Variants in ZNF69 observed in about 807,000 individuals in gnomAD.
ZNF69 encodes the protein ZNF3.
Under a neutral mutation model 50.9 loss-of-function variants are expected in ZNF69, and 47 were observed. That is an observed-to-expected ratio of 0.92 (90% confidence interval 0.73 to 1.18). ZNF69 has a LOEUF of 1.18. Ranked by LOEUF, ZNF69 falls within the 50% of genes most tolerant of loss-of-function variation. The probability of loss-of-function intolerance (pLI) is 0.00; values close to 1 mark genes in which losing one functional copy is unlikely to be tolerated. For missense variants in ZNF69, 717 were observed against 675.1 expected, an observed-to-expected ratio of 1.06 and a Z score of -0.69; for synonymous variants, 216 against 223.1, an observed-to-expected ratio of 0.97 and a Z score of 0.29.
intron 1 of ZNF69, among the ~76,000 whole-genome samples, chr19:11,898,385 C>CTTTTTTT (rs745487579): frequency 6.5e-5 from 6 of 91,872 alleles, no homozygotes; most frequent in African/African-American, 9.2e-5. Context: ...TTCCTCCTGG[C>CTTTTTTT]TTTTTTTTTT....
Position 11,906,189 on chromosome 19 carries a change from CT to C in ZNF69, c.*93del. 6.4e-7 allele frequency: 1 copy of C among 1,556,440 alleles called. No individual in the cohort carries two copies. The highest frequency in any genetic ancestry group is 1.3e-5 in the South Asian group (1 of 79,678). On this transcript the variant is annotated 3_prime_UTR_variant, in exon 4 of 4. Transcript: ENST00000429654. The stretch of plus-strand genomic sequence containing the variant: ...ATGAATGTAAAGAATGTGGGAAACC[CT>C]TCAGGTCTGCCCAGAACCTTCGAAT...
At chr19:11,912,323 C>T (rs1423137442) in intron 4 of ZNF69, among the ~76,000 whole-genome samples, 1 of 152,060 alleles carries the variant, frequency 6.6e-6, no homozygotes, top group Admixed American at 6.6e-5. Context: ...CTGCCAAGAT[C>T]CTTTGAATAC....
At chr19:11,928,729 C>T in the ZNF69 span, among the ~76,000 whole-genome samples, 1 of 114,188 alleles carries the variant, frequency 8.8e-6, no homozygotes. Context: ...GAGACTCCGT[C>T]TCAAAAAAAA....
the ZNF69 span, among the ~76,000 whole-genome samples, chr19:11,971,965 G>A: frequency 6.6e-6 from 1 of 151,982 alleles, no homozygotes; most frequent in East Asian, 1.9e-4. Flanking sequence ...AGGAGGATGA[G>A]GCAGGAGAAT....
intron 1 of ZNF69, among the ~76,000 whole-genome samples, chr19:11,892,512 C>A (rs1037780872): frequency 1.3e-5 from 2 of 152,000 alleles, no homozygotes; most frequent in African/African-American, 4.8e-5. Context: ...AACCCCAGCA[C>A]TTTGGGAGGC....
the ZNF69 span, among the ~76,000 whole-genome samples, chr19:11,966,798 G>A: frequency 6.6e-6 from 1 of 152,134 alleles, no homozygotes; most frequent in African/African-American, 2.4e-5. Context: ...TTGTCACTCC[G>A]AAATAATCGA....
downstream of ZNF69, among the ~76,000 whole-genome samples, chr19:11,916,942 A>G (rs1348526892): frequency 1.3e-5 from 2 of 151,794 alleles, no homozygotes; most frequent in Non-Finnish European, 2.9e-5. Flanking sequence ...TTTTCTATCC[A>G]TGTCTTTGAT....
Position 11,905,790 on chromosome 19 carries a change from A to T in ZNF69, c.1393A>T (p.Thr465Ser). ...GAAGAACCTTCAAAGTCATGAAAGG[A>T]CACAAACACACGTAAGAATACACTC... ...SMKNLQSHER[T>S]QTHVRIHSGE... Residue 465 changes from threonine to serine, a missense_variant, in exon 4 of 4, where the codon ACA becomes TCA. Transcript: ENST00000429654. 6.2e-7 allele frequency: 1 copy of T among 1,613,174 alleles called. No individual in the cohort carries two copies. Among genetic ancestry groups the T allele is most frequent in the Non-Finnish European group, 8.5e-7 (1 of 1,179,814 alleles).
the ZNF69 span, chr19:11,965,225 GC>G: frequency 6.2e-7 from 1 of 1,614,070 alleles, no homozygotes; most frequent in Non-Finnish European, 8.5e-7. Context: ...CGTGTGCATA[GC>G]CGGTTGTCCC....
At chr19:11,929,113 T>C in the ZNF69 span, among the ~76,000 whole-genome samples, 1 of 148,338 alleles carries the variant, frequency 6.7e-6, no homozygotes, top group Non-Finnish European at 1.5e-5. Flanking sequence ...ATGATCACAT[T>C]GCTTCAAGAT....
Position 11,905,224 on chromosome 19 carries a change from A to T in ZNF69, c.827A>T (p.Tyr276Phe). Reference protein sequence around the residue: ...HERTHTGEKPYECQQCGKAFH... With the variant: ...HERTHTGEKPFECQQCGKAFH... Reference sequence around the variant, plus strand: ...AGAACTCACACTGGAGAAAAGCCTTATGAATGTCAGCAATGTGGGAAAGCA... The same window carrying T: ...AGAACTCACACTGGAGAAAAGCCTTTTGAATGTCAGCAATGTGGGAAAGCA... Residue 276 changes from tyrosine to phenylalanine, a missense_variant, in exon 4 of 4, where the codon TAT (tyrosine) becomes TTT (phenylalanine). Transcript: ENST00000429654. 1 of 1,614,198 alleles carries T rather than the reference A, an allele frequency of 6.2e-7. No homozygotes were observed.
At chr19:11,948,403 G>T in the ZNF69 span, 1 of 1,614,118 alleles carries the variant, frequency 6.2e-7, no homozygotes, top group Non-Finnish European at 8.5e-7. Flanking sequence ...AAAATCATGT[G>T]ACAGCTTTGT....
chr19:11,978,444 T>C, the ZNF69 span: 143 of 1,614,042 alleles, frequency 8.9e-5, no homozygotes, highest in Non-Finnish European at 1.2e-4. Context: ...ACCCTATGCT[T>C]GTAAAGAATG....
chr19:11,928,036 G>A, the ZNF69 span, among the ~76,000 whole-genome samples: 1 of 151,052 alleles, frequency 6.6e-6, no homozygotes, highest in Non-Finnish European at 1.5e-5. Context: ...CTTGCTCTGT[G>A]ACCCAGCCTA....
the ZNF69 span, chr19:11,965,017 C>T: frequency 8.2e-6 from 5 of 609,210 alleles, no homozygotes; most frequent in Admixed American, 2.7e-5. Flanking sequence ...ATTGTTTATC[C>T]AGGCACAGAG....
rs781408669 is a variant in ZNF69, at chr19:11,906,631, A to C, written c.*533A>C. ...GAGGGTCCTGACTGTTAGAAGGAAA[A>C]CTAACAAACAGAAAGGACAACCACA... On this transcript the variant is annotated 3_prime_UTR_variant, in exon 4 of 4. Coordinates refer to ENST00000429654, the MANE Select transcript of ZNF69 (RefSeq NM_001364730.1). Among the ~76,000 whole-genome samples, 11 of 152,182 alleles carry C rather than the reference A, an allele frequency of 7.2e-5. No individual in the cohort carries two copies. The highest frequency in any genetic ancestry group is 1.5e-4 in the Non-Finnish European group (10 of 68,026).
At chr19:11,937,490 C>CTTTTT in the ZNF69 span, among the ~76,000 whole-genome samples, 3 of 129,010 alleles carry the variant, frequency 2.3e-5, no homozygotes, top group Non-Finnish European at 3.3e-5. Flanking sequence ...TTTTTCTTTC[C>CTTTTT]TTTTTTTTTT....
the ZNF69 span, chr19:11,947,406 T>A: frequency 6.2e-7 from 1 of 1,603,734 alleles, no homozygotes; most frequent in Non-Finnish European, 8.5e-7. Flanking sequence ...AGGAAATACC[T>A]TGATGAATAA....
chr19:11,887,987 G>A lies in ZNF69; in HGVS notation c.63+1G>A, dbSNP rs150705881. 9.4e-5 allele frequency: 151 copies of A among 1,611,584 alleles called. No homozygotes were observed. The highest frequency in any genetic ancestry group is 1.3e-4 in the Non-Finnish European group (150 of 1,178,432). On this transcript the variant is annotated splice_donor_variant, in intron 1 of 3. Coordinates refer to ENST00000429654, the MANE Select transcript of ZNF69 (RefSeq NM_001364730.1). LOFTEE classifies it high-confidence loss of function. ...CGGGACATCTGAAAGCCAGGAAATG[G>A]TGCGTGTCTGGGGCCGGGTGTCGTG...
Sources: gnomAD v4.1 joint callset for allele counts (sites outside exome capture counted in the v4.1 genomes callset) on GRCh38, gnomAD v4.1.1 for gene constraint, MANE v1.5 for transcripts, NCBI Gene and HGNC (gene_info 2026-07-23, HGNC 2026-07-21) for gene names.